Variants in MON2 observed in about 807,000 individuals in gnomAD.
The protein encoded by MON2 is MON2 regulator of endosome-to-Golgi trafficking.
MON2 carries 84 observed loss-of-function variants against 208.6 expected under a neutral mutation model. The observed-to-expected ratio is 0.40, with a 90% confidence interval of 0.34 to 0.48. The LOEUF (loss-of-function observed/expected upper bound fraction) is 0.48, where lower values mean the gene tolerates loss of function less well. Ranked by LOEUF, MON2 falls within the 20% of genes least tolerant of loss-of-function variation. The probability of loss-of-function intolerance (pLI) is 0.59; values close to 1 mark genes in which losing one functional copy is unlikely to be tolerated. For synonymous variants in MON2, 660 were observed against 694.0 expected, an observed-to-expected ratio of 0.95 and a Z score of 0.77; for missense variants, 1,611 against 2,015.4, an observed-to-expected ratio of 0.80 and a Z score of 3.84.
Position 62,532,623 on chromosome 12 carries a change from A to T in MON2, c.1586A>T (p.Glu529Val). The part of the protein sequence containing the change: ...EEGSSPTQST[E>V]QQDLQSTSDQ... ...GGTTCTTCACCAACACAGTCGACAG[A>T]ACAGCAGGATTTACAGTCAACATCA... The change falls in exon 12 of 35, where the codon GAA becomes GTA. Residue 529 changes from glutamate to valine, a missense_variant. By Grantham distance (121) the Glu-to-Val change is moderately radical. Coordinates refer to ENST00000393630, the MANE Select transcript of MON2 (RefSeq NM_015026.3). 2 of 1,614,088 alleles carry T rather than the reference A, an allele frequency of 1.2e-6. No homozygotes were observed.
rs1407583821 is a variant in MON2, at chr12:62,537,621, A to G, written c.2033A>G (p.Gln678Arg). ...ATATAGCTGACTTCCAAAAATATCCAGTGTATGAGGACTTTACTTAACTTG... is the reference window on the plus strand; with the variant it reads ...ATATAGCTGACTTCCAAAAATATCCGGTGTATGAGGACTTTACTTAACTTG... Reference protein sequence around the residue: ...GTVMLTSKNIQCMRTLLNLAH... With the variant: ...GTVMLTSKNIRCMRTLLNLAH... Residue 678 changes from glutamine to arginine, a missense_variant, in exon 16 of 35, where the codon CAG becomes CGG. Gln to Arg is a conservative substitution (Grantham distance 43). Transcript: ENST00000393630. 6.2e-7 allele frequency: 1 copy of G among 1,606,530 alleles called. No individual in the cohort carries two copies. The highest frequency in any genetic ancestry group is 1.1e-5 in the South Asian group (1 of 89,000).
At chr12:62,474,237 G>A (rs1340621937) in intron 1 of MON2, among the ~76,000 whole-genome samples, 2 of 151,480 alleles carry the variant, frequency 1.3e-5, no homozygotes, top group Non-Finnish European at 2.9e-5. Context: ...TCCTGCCTCA[G>A]CCTCCTGAGT....
chr12:62,585,209 T>A (rs908924660), intron 32 of MON2, 85 bp from the exon 33 acceptor site: 9 of 1,040,438 alleles, frequency 8.7e-6, no homozygotes, highest in Non-Finnish European at 1.0e-5. Context: ...GGAATTTCTC[T>A]CTATTCCTAG....
intron 1 of MON2, among the ~76,000 whole-genome samples, chr12:62,474,913 C>CT (rs1275534339): frequency 2.6e-5 from 4 of 152,028 alleles, no homozygotes; most frequent in Non-Finnish European, 5.9e-5. Flanking sequence ...CATACTTCTC[C>CT]TTTTTTCTGT....
At chr12:62,562,140 A>G (rs1230070173) in intron 26 of MON2, among the ~76,000 whole-genome samples, 1 of 152,120 alleles carries the variant, frequency 6.6e-6, no homozygotes, top group Non-Finnish European at 1.5e-5. Context: ...CACCCTGTCC[A>G]TTGGACATGC....
intron 12 of MON2, 61 bp from the exon 13 acceptor site, chr12:62,534,784 A>G: frequency 2.5e-6 from 3 of 1,223,694 alleles, no homozygotes; most frequent in Non-Finnish European, 2.4e-6. Context: ...AATTTCACAT[A>G]TTAATACATA....
intron 21 of MON2, among the ~76,000 whole-genome samples, chr12:62,546,598 A>G (rs937983617): frequency 6.6e-6 from 1 of 152,080 alleles, no homozygotes; most frequent in Non-Finnish European, 1.5e-5. Flanking sequence ...TACTAAAAAT[A>G]CAAAGATTAG....
At chr12:62,590,059 T>C (rs1189631371) in intron 34 of MON2, among the ~76,000 whole-genome samples, 2 of 152,100 alleles carry the variant, frequency 1.3e-5, no homozygotes, top group African/African-American at 4.8e-5. Context: ...GAAGATGCAT[T>C]TGTTAGACTT....
rs1288402786 is a variant in MON2 at position 62,595,160 on chromosome 12, T to G, written c.*2411T>G. 1 of 151,646 alleles carries G rather than the reference T, an allele frequency of 6.6e-6. No homozygotes were observed. The highest frequency in any genetic ancestry group is 1.5e-5 in the Non-Finnish European group (1 of 67,910). 9.4% of individuals were successfully genotyped at this position (151,646 alleles called of 1,614,324 possible). ...CTATGAGTTTTTTTTTTTTTTTTCA[T>G]TTGAGACGGAGTCTCGCTCTGTCAC... On this transcript the variant is annotated 3_prime_UTR_variant, in exon 35 of 35. Coordinates refer to ENST00000393630, the MANE Select transcript of MON2 (RefSeq NM_015026.3).
chr12:62,592,009 G>A (rs1203719728), intron 34 of MON2, among the ~76,000 whole-genome samples: 1 of 152,120 alleles, frequency 6.6e-6, no homozygotes, highest in South Asian at 2.1e-4. Flanking sequence ...ATTTGTTCAT[G>A]ATAGTGGTGA....
chr12:62,549,296 A>G (rs189561090), intron 22 of MON2, among the ~76,000 whole-genome samples: 137 of 152,190 alleles, frequency 9.0e-4, no homozygotes, highest in Middle Eastern at 3.4e-3. Context: ...AAATTATTGT[A>G]AGATATGTAT....
chr12:62,520,722 T>G (rs1008391140), intron 8 of MON2, among the ~76,000 whole-genome samples: 1 of 151,670 alleles, frequency 6.6e-6, no homozygotes, highest in Admixed American at 6.6e-5. Context: ...GTCAGGAGTT[T>G]GAGACCAACC....
chr12:62,506,529 G>T (rs1342566656), intron 7 of MON2, among the ~76,000 whole-genome samples: 1 of 152,056 alleles, frequency 6.6e-6, no homozygotes, highest in East Asian at 1.9e-4. Context: ...GAGGTCAGGA[G>T]AGCCTGCCCA....
In MON2 at chr12:62,524,370, G is replaced by T. The variant is rs1276541285; in HGVS notation, c.985-145G>T. The stretch of plus-strand genomic sequence containing the variant: ...ATGTATAACTACATTTCCTTTCTCT[G>T]TTTCTCCACTCCCCATTAAGAGTTT... On this transcript the variant is annotated intron_variant, in intron 8 of 34. Transcript: ENST00000393630. 4 of 601,124 alleles carry T rather than the reference G, an allele frequency of 6.7e-6. No individual in the cohort carries two copies. The Admixed American group carries it at 9.0e-5, about 13-fold the overall frequency. The allele number at this position is 601,124 out of a possible 1,614,324, so 37.2% of individuals were successfully genotyped here.
At position 62,484,209 on chromosome 12, in the gene MON2, G is replaced by T. The variant is rs184783078; in HGVS notation, c.151G>T (p.Ala51Ser). Residue 51 changes from alanine (A) to serine (S), a missense_variant, in exon 2 of 35, where the codon GCA becomes TCA. By Grantham distance (99) the Ala-to-Ser change is moderately conservative. Coordinates refer to ENST00000393630, the MANE Select transcript of MON2 (RefSeq NM_015026.3). ...SGIIKVKTIA[A>S]RNTEILAALK... ...AATAATAAAAGTTAAAACAATTGCT[G>T]CACGAAACACTGAAATTTTGGCAGG... 1,012 of 1,600,458 alleles carry T rather than the reference G, an allele frequency of 6.3e-4. 11 individuals are homozygous for T. Among genetic ancestry groups the T allele is most frequent in the Non-Finnish European group, 4.5e-5 (53 of 1,174,328 alleles).
chr12:62,519,230 C>A (rs1418657766), intron 8 of MON2, among the ~76,000 whole-genome samples: 1 of 152,106 alleles, frequency 6.6e-6, no homozygotes, highest in African/African-American at 2.4e-5. Flanking sequence ...CTGTCTGCCA[C>A]CTCTAGCAGC....
intron 6 of MON2, 42 bp downstream of exon 6, chr12:62,500,922 T>G (rs750203366): frequency 1.6e-6 from 2 of 1,257,572 alleles, no homozygotes; most frequent in African/African-American, 3.1e-5. Flanking sequence ...TAAAATATAG[T>G]TTTGTGTGAA....
chr12:62,475,745 C>T (rs2069040352), intron 1 of MON2, among the ~76,000 whole-genome samples: 1 of 149,154 alleles, frequency 6.7e-6, no homozygotes, highest in African/African-American at 2.5e-5. Flanking sequence ...CACAGTGGCT[C>T]ATGCCTGTAA....
intron 5 of MON2, among the ~76,000 whole-genome samples, chr12:62,499,969 A>G (rs933327323): frequency 6.6e-6 from 1 of 151,792 alleles, no homozygotes; most frequent in African/African-American, 2.4e-5. Context: ...TTTCTTGGGG[A>G]AAAATGCAGG....
Sources: allele counts gnomAD v4.1 joint callset (sites outside exome capture counted in the v4.1 genomes callset), GRCh38; gene constraint gnomAD v4.1.1; transcripts MANE v1.5; gene names NCBI Gene and HGNC (gene_info 2026-07-23, HGNC 2026-07-21).